IQCK: variants seen among roughly 807,000 people sequenced by gnomAD.
The protein encoded by IQCK is IQ domain-containing protein K.
In IQCK, 29 loss-of-function variants were observed where a neutral mutation model predicts 28.1. The ratio of observed to expected loss-of-function variants is 1.03; its 90% confidence interval spans 0.77 to 1.41. IQCK has a LOEUF of 1.41. Among genes scored for constraint, IQCK ranks in the 40% most tolerant of loss-of-function variants. The probability of loss-of-function intolerance (pLI) is 0.00; values close to 1 mark genes in which losing one functional copy is unlikely to be tolerated. For synonymous variants in IQCK, 113 were observed against 115.1 expected, an observed-to-expected ratio of 0.98 and a Z score of 0.12; for missense variants, 359 against 314.7, an observed-to-expected ratio of 1.14 and a Z score of -1.07.
At chr16:19,737,196 A>C (rs967044287) in intron 4 of IQCK, among the ~76,000 whole-genome samples, 1 of 152,008 alleles carries the variant, frequency 6.6e-6, no homozygotes, top group Non-Finnish European at 1.5e-5. Context: ...AGTCGGCAGT[A>C]ATTACAGTGT....
intron 4 of IQCK, among the ~76,000 whole-genome samples, chr16:19,737,741 A>G (rs1040712322): frequency 4.6e-5 from 7 of 151,858 alleles, no homozygotes; most frequent in African/African-American, 1.7e-4. Context: ...TCTCCCCCGC[A>G]GTGCTCCCCT....
chr16:19,735,642 G>C (rs1047630806), intron 4 of IQCK, 192 bp downstream of exon 4: 3 of 575,314 alleles, frequency 5.2e-6, no homozygotes, highest in African/African-American at 3.8e-5. Context: ...GCTGCCATCT[G>C]TCTGGCCACT....
At chr16:19,806,885 A>C (rs2055841201) in intron 7 of IQCK, among the ~76,000 whole-genome samples, 1 of 152,088 alleles carries the variant, frequency 6.6e-6, no homozygotes, top group African/African-American at 2.4e-5. Flanking sequence ...ACATGATCTG[A>C]GTTTTCATCA....
chr16:19,782,866 G>A (rs2055507164), intron 6 of IQCK, among the ~76,000 whole-genome samples: 1 of 152,104 alleles, frequency 6.6e-6, no homozygotes, highest in African/African-American at 2.4e-5. Context: ...CTTTCACTTT[G>A]CATCTAAAAA....
chr16:19,816,377 G>A (rs1294461243), intron 7 of IQCK, among the ~76,000 whole-genome samples: 1 of 152,152 alleles, frequency 6.6e-6, no homozygotes, highest in East Asian at 1.9e-4. Flanking sequence ...CACCTCCTGG[G>A]TTCAAGCGAT....
chr16:19,750,309 TAGAGACGGGG>T (rs1269029777), intron 4 of IQCK, among the ~76,000 whole-genome samples: 1 of 152,036 alleles, frequency 6.6e-6, no homozygotes, highest in Non-Finnish European at 1.5e-5. Context: ...ATATTTTTAG[TAGAGACGGGG>T]TTTCACCATG....
intron 9 of IQCK, among the ~76,000 whole-genome samples, chr16:19,844,520 C>G (rs1339359614): frequency 6.6e-6 from 1 of 152,140 alleles, no homozygotes; most frequent in Non-Finnish European, 1.5e-5. Flanking sequence ...CAAAAGTGGA[C>G]AGATTTAGGA....
At chr16:19,724,614 C>T (rs562398540) in intron 1 of IQCK, among the ~76,000 whole-genome samples, 20 of 151,936 alleles carry the variant, frequency 1.3e-4, no homozygotes, top group African/African-American at 2.7e-4. Context: ...CTGCAAGCTC[C>T]GCCTCCTGGA....
intron 4 of IQCK, among the ~76,000 whole-genome samples, chr16:19,736,420 G>C (rs1297644085): frequency 6.6e-6 from 1 of 150,392 alleles, no homozygotes; most frequent in Non-Finnish European, 1.5e-5. Context: ...GCACCACCAC[G>C]CCTGACTGAT....
intron 7 of IQCK, among the ~76,000 whole-genome samples, chr16:19,813,768 T>C (rs1273597441): frequency 1.3e-5 from 2 of 152,130 alleles, no homozygotes; most frequent in Non-Finnish European, 2.9e-5. Flanking sequence ...GAAACTAAAA[T>C]ACTAGATAAC....
chr16:19,784,313 C>G (rs1017823288), intron 6 of IQCK, among the ~76,000 whole-genome samples: 1 of 152,102 alleles, frequency 6.6e-6, no homozygotes, highest in Non-Finnish European at 1.5e-5. Flanking sequence ...TGAGCTGGCC[C>G]CATCTTCTCT....
At chr16:19,814,817 TCA>T (rs1032919106) in intron 7 of IQCK, among the ~76,000 whole-genome samples, 2 of 143,400 alleles carry the variant, frequency 1.4e-5, no homozygotes, top group Admixed American at 7.1e-5. Context: ...AGACAGGGTC[TCA>T]GTCTGCTGCC....
chr16:19,742,575 CTG>C (rs891124358), intron 4 of IQCK, among the ~76,000 whole-genome samples: 4 of 152,186 alleles, frequency 2.6e-5, no homozygotes, highest in Admixed American at 6.5e-5. Flanking sequence ...AATTACATAA[CTG>C]GGGCATTTTT....
chr16:19,775,798 G>A (rs554481910), intron 6 of IQCK, among the ~76,000 whole-genome samples: 1 of 151,238 alleles, frequency 6.6e-6, no homozygotes, highest in Admixed American at 6.6e-5. Flanking sequence ...CAGTTGCGGG[G>A]GAGGCAGGGA....
chr16:19,769,769 A>C (rs2055292817), intron 6 of IQCK, among the ~76,000 whole-genome samples: 1 of 152,218 alleles, frequency 6.6e-6, no homozygotes, highest in Non-Finnish European at 1.5e-5. Context: ...TGCAAAGGAC[A>C]TCTGAGATTG....
intron 6 of IQCK, among the ~76,000 whole-genome samples, chr16:19,773,400 C>G (rs1038860348): frequency 6.6e-6 from 1 of 152,186 alleles, no homozygotes; most frequent in Non-Finnish European, 1.5e-5. Context: ...AACCCAAACC[C>G]AGTTTCCCCA....
intron 6 of IQCK, among the ~76,000 whole-genome samples, chr16:19,775,620 C>G (rs2055380932): frequency 6.6e-6 from 1 of 152,186 alleles, no homozygotes; most frequent in African/African-American, 2.4e-5. Context: ...CCAACAACAG[C>G]TTACTTCTTG....
At chr16:19,731,491 C>A (rs550867755) in intron 2 of IQCK, among the ~76,000 whole-genome samples, 3 of 152,254 alleles carry the variant, frequency 2.0e-5, no homozygotes, top group African/African-American at 7.2e-5. Flanking sequence ...GCTTTATGGA[C>A]GCAATTCTTT....
chr16:19,813,786 T>C (rs2055938869), intron 7 of IQCK, among the ~76,000 whole-genome samples: 1 of 152,138 alleles, frequency 6.6e-6, no homozygotes, highest in Non-Finnish European at 1.5e-5. Flanking sequence ...AACAATAATA[T>C]AAAAGTTGAG....
Sources: allele counts gnomAD v4.1 joint callset (sites outside exome capture counted in the v4.1 genomes callset), GRCh38; gene constraint gnomAD v4.1.1; transcripts MANE v1.5; gene names NCBI Gene and HGNC (gene_info 2026-07-23, HGNC 2026-07-21).